Variants in CALCRL observed in about 807,000 individuals in gnomAD.
CALCRL encodes the protein calcitonin receptor like receptor.
Under a neutral mutation model 60.4 loss-of-function variants are expected in CALCRL, and 27 were observed. The observed-to-expected ratio is 0.45, with a 90% CI of 0.33 to 0.62. The LOEUF is 0.62. Among genes scored for constraint, CALCRL ranks in the 20% least tolerant of loss-of-function variants. The pLI is 0.03. For missense variants in CALCRL, 424 were observed against 540.7 expected (o/e 0.78, Z 2.14); for synonymous variants, 190 against 182.6 (o/e 1.04, Z -0.33).
intron 12 of CALCRL, 101 bp downstream of exon 12, chr2:187,358,962 A>C (rs544371103): frequency 1.1e-6 from 1 of 900,480 alleles, no homozygotes; most frequent in African/African-American, 1.6e-5. Context: ...ATGCATGTCC[A>C]TCTGTGTCCA....
At chr2:187,443,851 A>G (rs1468147535) in intron 1 of CALCRL, among the ~76,000 whole-genome samples, 1 of 151,706 alleles carries the variant, frequency 6.6e-6, no homozygotes, top group East Asian at 1.9e-4. Context: ...GAAAGGCAAA[A>G]TTGAGGTGCA....
At chr2:187,373,287 T>G (rs1254131370) in intron 8 of CALCRL, among the ~76,000 whole-genome samples, 1 of 152,208 alleles carries the variant, frequency 6.6e-6, no homozygotes, top group Non-Finnish European at 1.5e-5. Flanking sequence ...GATCATTCTA[T>G]GGAATAAATG....
In CALCRL at chr2:187,390,822, T is replaced by C. The variant is rs191663203; in HGVS notation, c.-292-3066A>G. 1.6e-4 allele frequency among the ~76,000 whole-genome samples: 25 copies of C among 152,266 alleles called. No individual in the cohort carries two copies. The East Asian group carries it at 3.7e-3, about 22-fold the overall frequency. ...GTATGGCCCCTGGGTTTGTCAAAGA[T>C]AGAGCAGCAAGTTTAGGTTAGCAGC... On this transcript the variant is annotated intron_variant, in intron 1 of 14. Coordinates refer to ENST00000392370, the MANE Select transcript of CALCRL (RefSeq NM_005795.6).
intron 8 of CALCRL, among the ~76,000 whole-genome samples, chr2:187,367,776 C>T (rs1687358727): frequency 6.6e-6 from 1 of 151,960 alleles, no homozygotes; most frequent in African/African-American, 2.4e-5. Context: ...CCCCGCATAA[C>T]CACAGAACAG....
intron 1 of CALCRL, among the ~76,000 whole-genome samples, chr2:187,392,275 A>C (rs2105804466): frequency 6.6e-6 from 1 of 152,208 alleles, no homozygotes; most frequent in South Asian, 2.1e-4. Context: ...AATAACTTCG[A>C]TTTTTACAGG....
At chr2:187,441,773 C>T (rs1690916495) in intron 1 of CALCRL, 1 of 151,760 alleles carries the variant, frequency 6.6e-6, no homozygotes, top group Non-Finnish European at 1.5e-5. Flanking sequence ...GGAAAATATG[C>T]TACTCTTGAC....
chr2:187,431,616 C>T (rs1355033447), intron 1 of CALCRL, among the ~76,000 whole-genome samples: 1 of 151,996 alleles, frequency 6.6e-6, no homozygotes, highest in Non-Finnish European at 1.5e-5. Flanking sequence ...AATAGGAACT[C>T]CAACAGGCAC....
chr2:187,361,518 A>C (rs1318333372), intron 9 of CALCRL, among the ~76,000 whole-genome samples: 1 of 152,024 alleles, frequency 6.6e-6, no homozygotes, highest in Non-Finnish European at 1.5e-5. Flanking sequence ...ATAAAAGTTT[A>C]GTGGCAATTA....
At chr2:187,350,565 A>G (rs115815435) in intron 14 of CALCRL, among the ~76,000 whole-genome samples, 13,367 of 150,952 alleles carry the variant, frequency 0.089, 706 homozygotes, top group South Asian at 0.17. Context: ...ACAAATAAAT[A>G]AATATAGATA....
intron 1 of CALCRL, among the ~76,000 whole-genome samples, chr2:187,429,284 G>T (rs1690297768): frequency 6.6e-6 from 1 of 151,758 alleles, no homozygotes; most frequent in South Asian, 2.1e-4. Context: ...TAGAGGAATT[G>T]AACTATTATA....
At chr2:187,409,487 A>G (rs1437015760) in intron 1 of CALCRL, among the ~76,000 whole-genome samples, 1 of 152,218 alleles carries the variant, frequency 6.6e-6, no homozygotes, top group Non-Finnish European at 1.5e-5. Flanking sequence ...GCAACTGTCC[A>G]AAGCATAACC....
chr2:187,385,423 G>C (rs937367338), intron 4 of CALCRL, 122 bp downstream of exon 4: 9 of 592,072 alleles, frequency 1.5e-5, no homozygotes, highest in Admixed American at 3.3e-5. Context: ...CATTATTGCT[G>C]TATCAATTGG....
chr2:187,350,318 T>A (rs3771091), intron 14 of CALCRL, among the ~76,000 whole-genome samples: 66,733 of 151,178 alleles, frequency 0.44, 15,739 homozygotes, highest in East Asian at 0.62. Context: ...ACAAGTAGCA[T>A]TTAGGGTTGT....
At chr2:187,385,360 C>T (rs904953672) in intron 4 of CALCRL, among the ~76,000 whole-genome samples, 185 bp downstream of exon 4, 1 of 151,968 alleles carries the variant, frequency 6.6e-6, no homozygotes, top group Non-Finnish European at 1.5e-5. Context: ...CCCTCCAATT[C>T]CTTCTCATTC....
Position 187,383,316 on chromosome 2 carries a change from A to T in CALCRL, c.52-11T>A. The T allele has an allele frequency of 6.3e-7, 1 of 1,579,222 alleles. No homozygotes were observed. Among genetic ancestry groups the T allele is most frequent in the Non-Finnish European group, 8.6e-7 (1 of 1,167,180 alleles). The stretch of plus-strand genomic sequence containing the variant: ...TGCTGTAACAAGAATCTAAGGGATT[A>T]AAAAAACAACAACATCAACTTCATG... On this transcript the variant is annotated splice_polypyrimidine_tract_variant and intron_variant, in intron 4 of 14. Transcript: ENST00000392370.
intron 1 of CALCRL, among the ~76,000 whole-genome samples, chr2:187,445,927 G>A (rs1447396837): frequency 6.6e-6 from 1 of 151,066 alleles, no homozygotes; most frequent in African/African-American, 2.4e-5. Context: ...CAATGTTTTT[G>A]TTATTCCAAT....
rs1157350960 is a variant in CALCRL, at chr2:187,344,070, G to A, written c.*2114C>T. 1 of 151,490 alleles carries A rather than the reference G, an allele frequency of 6.6e-6. No homozygotes were observed. Among genetic ancestry groups the A allele is most frequent in the Non-Finnish European group, 1.5e-5 (1 of 67,594 alleles). The allele number at this position is 151,490 out of a possible 1,614,324, so 9.4% of individuals were successfully genotyped here. A position where few individuals can be genotyped will look rare whatever the true frequency, so the allele number is the denominator to read the frequency against. On this transcript the variant is annotated 3_prime_UTR_variant, in exon 15 of 15. Transcript: ENST00000392370. Reference sequence around the variant, plus strand: ...GAGTTGACAGTTTGTCTAGAAGAAGGCTGATATATGTCAACATGGTCAGCA... The same window carrying A: ...GAGTTGACAGTTTGTCTAGAAGAAGACTGATATATGTCAACATGGTCAGCA...
chr2:187,344,199 G>A lies in CALCRL; in HGVS notation c.*1985C>T, dbSNP rs772097755. 13 of 151,546 alleles carry A rather than the reference G, an allele frequency of 8.6e-5. No homozygotes were observed. Among genetic ancestry groups the A allele is most frequent in the South Asian group, 2.1e-4 (1 of 4,820 alleles). 9.4% of individuals were successfully genotyped at this position (151,546 alleles called of 1,614,324 possible). ...CAGTTGAAGGTCTAGAACAGCCTGC[G>A]TTCCTTTCTATGGCAGCTTGCTATG... is the stretch of plus-strand genomic sequence containing the variant. On this transcript the variant is annotated 3_prime_UTR_variant, in exon 15 of 15. Transcript: ENST00000392370.
chr2:187,419,023 A>ATTTTTTTTTTTTTTTT (rs33929530), intron 1 of CALCRL, among the ~76,000 whole-genome samples: 1 of 85,986 alleles, frequency 1.2e-5, no homozygotes, highest in Non-Finnish European at 2.2e-5. Context: ...CGTCTGGCTA[A>ATTTTTTTTTTTTTTTT]TTTTTTTTTT....
Sources: gnomAD v4.1 joint callset for allele counts (sites outside exome capture counted in the v4.1 genomes callset) on GRCh38, gnomAD v4.1.1 for gene constraint, MANE v1.5 for transcripts, NCBI Gene and HGNC (gene_info 2026-07-23, HGNC 2026-07-21) for gene names.